The following WDR5 variants were observed in gnomAD, a reference collection of about 807,000 sequenced individuals.
WDR5 encodes WD repeat domain 5.
For missense variants in WDR5, 187 were observed against 416.9 expected, an observed-to-expected ratio of 0.45 and a Z score of 4.80; for synonymous variants, 144 against 161.6, an observed-to-expected ratio of 0.89 and a Z score of 0.83.
intron 9 of WDR5, 76 bp downstream of exon 9, chr9:134,152,105 C>T: frequency 2.6e-6 from 4 of 1,520,798 alleles, no homozygotes; most frequent in Non-Finnish European, 3.6e-6. Flanking sequence ...CTGTTCTTCA[C>T]CAGCTCCTCC....
At position 134,157,151 on chromosome 9, in the gene WDR5, G is replaced by T. The variant is rs1399318207; in HGVS notation, c.904+558G>T. 6.6e-6 allele frequency among the ~76,000 whole-genome samples: 1 copy of T among 152,198 alleles called. No individual in the cohort carries two copies. Among genetic ancestry groups the T allele is most frequent in the African/African-American group, 2.4e-5 (1 of 41,454 alleles). ...TTTCCACGTCTCATGGAGCCAACGA[G>T]AGCAGGGGGTTCGAGCCCTTGTGGA... On this transcript the variant is annotated intron_variant, in intron 13 of 13. Transcript: ENST00000358625. The surrounding 1 kb of genome is among the most constrained non-coding windows in gnomAD (Gnocchi z 5.0).
intron 9 of WDR5, among the ~76,000 whole-genome samples, chr9:134,152,377 C>T (rs1832539591): frequency 6.6e-6 from 1 of 152,198 alleles, no homozygotes; most frequent in African/African-American, 2.4e-5. Context: ...TGGATCATTC[C>T]TTGAGTGACC....
Position 134,137,608 on chromosome 9 carries a change from C to G in WDR5, c.-59+1408C>G, listed in dbSNP as rs984987956. The stretch of plus-strand genomic sequence containing the variant: ...CTGAGGCGCAAGAATTACTTGAACC[C>G]GGAAGGTGGAGGTTGTAGTGAGCCC... On this transcript the variant is annotated intron_variant, in intron 1 of 13. Transcript: ENST00000358625. Among the ~76,000 whole-genome samples, 5 of 142,454 alleles carry G rather than the reference C, an allele frequency of 3.5e-5. No individual in the cohort carries two copies. In the South Asian group the frequency reaches 1.1e-3, roughly 32 times the overall value. 93.5% of individuals were successfully genotyped at this position (142,454 alleles called of 152,430 possible). A position where few individuals can be genotyped will look rare whatever the true frequency, so the allele number is the denominator to read the frequency against.
intron 8 of WDR5, among the ~76,000 whole-genome samples, chr9:134,150,088 C>T (rs1038496857): frequency 2.0e-5 from 3 of 152,220 alleles, no homozygotes; most frequent in Admixed American, 2.0e-4. Flanking sequence ...TGGTTCATGT[C>T]TTTGGTTTTA....
chr9:134,140,104 A>G (rs1382745558), intron 2 of WDR5, 146 bp downstream of exon 2: 1 of 954,982 alleles, frequency 1.0e-6, no homozygotes, highest in Non-Finnish European at 1.6e-6. Context: ...TATCTGGCGA[A>G]TGCTTGTTGC....
At chr9:134,156,292 G>A (rs376249334) in intron 12 of WDR5, among the ~76,000 whole-genome samples, 31 of 152,346 alleles carry the variant, frequency 2.0e-4, no homozygotes, top group Admixed American at 5.9e-4. Flanking sequence ...GAGCGAGGCC[G>A]GTGCTGGGAT....
intron 8 of WDR5, among the ~76,000 whole-genome samples, chr9:134,150,761 G>C (rs935104883): frequency 6.6e-6 from 1 of 152,186 alleles, no homozygotes; most frequent in Admixed American, 6.5e-5. Context: ...TGCAGGACCA[G>C]AACCCGTGTC....
chr9:134,136,848 G>A (rs1341622573), intron 1 of WDR5, among the ~76,000 whole-genome samples: 3 of 152,124 alleles, frequency 2.0e-5, no homozygotes, highest in African/African-American at 7.2e-5. Context: ...CTGCTGTCTC[G>A]CTTGCAAGTT....
intron 12 of WDR5, among the ~76,000 whole-genome samples, chr9:134,156,086 G>A (rs550898044): frequency 3.3e-4 from 50 of 152,364 alleles, no homozygotes; most frequent in African/African-American, 1.1e-3. Context: ...CGCTGGCTCC[G>A]GGGCTGTCGT....
intron 1 of WDR5, among the ~76,000 whole-genome samples, chr9:134,138,003 A>G (rs1244660511): frequency 6.6e-6 from 1 of 152,154 alleles, no homozygotes; most frequent in Non-Finnish European, 1.5e-5. Context: ...CAGCCTCCCA[A>G]AGTGCTGAGA....
In WDR5 at chr9:134,157,602, TTGG is replaced by T. The variant is rs1832805628; in HGVS notation, c.905-287_905-285del. 6.6e-6 allele frequency among the ~76,000 whole-genome samples: 1 copy of T among 152,164 alleles called. No homozygotes were observed. ...CCTCCTTGTGGGCGCCGAGCTGCTG[TTGG>T]TGGGGGCGTGTGGGGCTCCTGGTCT... is the stretch of plus-strand genomic sequence containing the variant. On this transcript the variant is annotated intron_variant, in intron 13 of 13. Coordinates refer to ENST00000358625, the MANE Select transcript of WDR5 (RefSeq NM_017588.3). This position sits in a 1 kb window ranked among gnomAD's most constrained non-coding sequence, Gnocchi z 5.0.
chr9:134,154,441 T>A (rs1347576349), intron 9 of WDR5, 25 bp from the exon 10 acceptor site: 2 of 1,613,606 alleles, frequency 1.2e-6, no homozygotes, highest in African/African-American at 2.7e-5. Flanking sequence ...GCCCGCCGTG[T>A]GTCACCTGTC....
chr9:134,146,085 C>A (rs958994140), intron 7 of WDR5, among the ~76,000 whole-genome samples: 1 of 152,028 alleles, frequency 6.6e-6, no homozygotes, highest in African/African-American at 2.4e-5. Context: ...CTGCCTCAGC[C>A]TCCTGAGTAG....
At chr9:134,142,472 G>A (rs1409625591) in intron 6 of WDR5, 50 bp downstream of exon 6, 2 of 1,602,178 alleles carry the variant, frequency 1.2e-6, no homozygotes, top group South Asian at 2.2e-5. Flanking sequence ...TCGGATGTGG[G>A]AAGGCTGTTG....
chr9:134,157,854 C>A lies in WDR5; in HGVS notation c.905-39C>A, dbSNP rs779930453. ...TGGGATGGCGTCCCCGACCCAGGCG[C>A]AGGGATGGCTCTGGTTCTGACTGTG... On this transcript the variant is annotated intron_variant, in intron 13 of 13. Transcript: ENST00000358625. This position sits in a 1 kb window ranked among gnomAD's most constrained non-coding sequence, Gnocchi z 5.0. The A allele has an allele frequency of 6.2e-7, 1 of 1,603,078 alleles. No individual in the cohort carries two copies. Among genetic ancestry groups the A allele is most frequent in the South Asian group, 1.1e-5 (1 of 90,862 alleles).
intron 4 of WDR5, 108 bp from the exon 5 acceptor site, chr9:134,141,841 C>CTAGTG (rs2132533487): frequency 1.7e-6 from 2 of 1,148,770 alleles, no homozygotes; most frequent in African/African-American, 3.0e-5. Context: ...AAGGTTAACA[C>CTAGTG]TAGTGAGAAG....
At chr9:134,145,096 G>GTTTTTTTTTTTTTTTTT (rs56864188) in intron 7 of WDR5, among the ~76,000 whole-genome samples, 13 of 104,718 alleles carry the variant, frequency 1.2e-4, no homozygotes, top group African/African-American at 3.1e-4. Flanking sequence ...GTGGGGCTTT[G>GTTTTTTTTTTTTTTTTT]TTTTTTTTTT....
intron 4 of WDR5, 44 bp from the exon 5 acceptor site, chr9:134,141,905 T>TATTTTGTCCTGTCA (rs1831910920): frequency 6.3e-7 from 1 of 1,577,236 alleles, no homozygotes; most frequent in African/African-American, 1.3e-5. Flanking sequence ...CCGATGGTCC[T>TATTTTGTCCTGTCA]ATTTTGTCCT....
At chr9:134,154,092 T>A (rs1170929589) in intron 9 of WDR5, among the ~76,000 whole-genome samples, 1 of 152,158 alleles carries the variant, frequency 6.6e-6, no homozygotes, top group Non-Finnish European at 1.5e-5. Flanking sequence ...TCCGAGGTGA[T>A]TCCCCAGCCC....
Sources: gnomAD v4.1 joint callset for allele counts (sites outside exome capture counted in the v4.1 genomes callset) on GRCh38, gnomAD v4.1.1 for gene constraint, Gnocchi (gnomAD v3.1) non-coding constraint, MANE v1.5 for transcripts, NCBI Gene and HGNC (gene_info 2026-07-23, HGNC 2026-07-21) for gene names.